The following SEC63 variants were observed in gnomAD, a reference collection of about 807,000 sequenced individuals.
SEC63 encodes translocation protein SEC63 homolog.
SEC63 carries 56 observed loss-of-function variants against 116.2 expected under a neutral mutation model. The ratio of observed to expected loss-of-function variants is 0.48; its 90% confidence interval spans 0.39 to 0.60. The LOEUF is 0.60. SEC63 is among the 20% of genes least tolerant of loss of function. The pLI is 0.00. For synonymous variants in SEC63, 273 were observed against 294.6 expected (o/e 0.93, Z 0.75); for missense variants, 668 against 900.0 (o/e 0.74, Z 3.30).
chr6:107,881,317 G>T, intron 17 of SEC63, 67 bp from the exon 18 acceptor site: 1 of 1,114,230 alleles, frequency 9.0e-7, no homozygotes, highest in Non-Finnish European at 1.3e-6. Flanking sequence ...GGATTTCCAG[G>T]TATTATTCCT....
chr6:107,916,630 C>T (rs1375939287), intron 4 of SEC63, among the ~76,000 whole-genome samples: 1 of 152,204 alleles, frequency 6.6e-6, no homozygotes, highest in Non-Finnish European at 1.5e-5. Flanking sequence ...TGCCATTTTT[C>T]CAACAGCATG....
At chr6:107,914,473 G>A (rs193091544) in intron 4 of SEC63, among the ~76,000 whole-genome samples, 75 of 152,214 alleles carry the variant, frequency 4.9e-4, no homozygotes, top group African/African-American at 1.6e-3. Flanking sequence ...ATTAGTTTTC[G>A]ATGACTTGAA....
At chr6:107,921,346 C>T (rs1276907199) in intron 4 of SEC63, among the ~76,000 whole-genome samples, 1 of 152,090 alleles carries the variant, frequency 6.6e-6, no homozygotes, top group Non-Finnish European at 1.5e-5. Context: ...TAAATTACCA[C>T]GTTAGTGCTG....
At chr6:107,938,162 T>C (rs1451821153) in intron 1 of SEC63, among the ~76,000 whole-genome samples, 1 of 152,100 alleles carries the variant, frequency 6.6e-6, no homozygotes, top group African/African-American at 2.4e-5. Flanking sequence ...TCATCATCCA[T>C]TTACAAAAAT....
rs577676330 is a variant in SEC63, at chr6:107,889,531, A to G, written c.1674+3951T>C. Among the ~76,000 whole-genome samples the G allele has an allele frequency of 2.6e-5, 4 of 152,214 alleles. 1 individual carries two copies. In the South Asian group the frequency reaches 8.3e-4, roughly 32 times the overall value. ...TGATCTATTTTGTTATCTTTTCAAAAAACTAGCTCCTTGGATTCATTGATT... is the reference window on the plus strand; with the variant it reads ...TGATCTATTTTGTTATCTTTTCAAAGAACTAGCTCCTTGGATTCATTGATT... On this transcript the variant is annotated intron_variant, in intron 16 of 20. Coordinates refer to ENST00000369002, the MANE Select transcript of SEC63 (RefSeq NM_007214.5).
chr6:107,909,501 T>A (rs1297428905), intron 7 of SEC63, among the ~76,000 whole-genome samples: 1 of 152,162 alleles, frequency 6.6e-6, no homozygotes, highest in Non-Finnish European at 1.5e-5. Context: ...AACAAGGACC[T>A]CTTTCTTGCA....
chr6:107,877,015 T>C, intron 18 of SEC63: 1 of 233,912 alleles, frequency 4.3e-6, no homozygotes, highest in Admixed American at 5.1e-5. Flanking sequence ...TACTCTTACC[T>C]AGTAATAAGC....
chr6:107,905,716 A>G (rs1343651188), intron 10 of SEC63, among the ~76,000 whole-genome samples: 1 of 152,124 alleles, frequency 6.6e-6, no homozygotes, highest in African/African-American at 2.4e-5. Flanking sequence ...TGTGAAATCC[A>G]TTTTGCTCCC....
intron 7 of SEC63, 51 bp downstream of exon 7, chr6:107,911,295 A>C: frequency 8.2e-7 from 1 of 1,225,812 alleles, no homozygotes; most frequent in South Asian, 1.2e-5. Flanking sequence ...ACTCCAAAAC[A>C]TGTCAATCTC....
chr6:107,918,012 G>A (rs1787451860), intron 4 of SEC63, among the ~76,000 whole-genome samples: 1 of 152,200 alleles, frequency 6.6e-6, no homozygotes, highest in Non-Finnish European at 1.5e-5. Context: ...AGAAATAAAT[G>A]CCTGACTTCA....
rs780300285 is a variant in SEC63 at position 107,868,558 on chromosome 6, G to A, written c.*3146C>T. 2.0e-5 allele frequency: 3 copies of A among 152,098 alleles called. No homozygotes were observed. Among genetic ancestry groups the A allele is most frequent in the Non-Finnish European group, 2.9e-5 (2 of 68,080 alleles). 9.4% of individuals were successfully genotyped at this position (152,098 alleles called of 1,614,324 possible). A position where few individuals can be genotyped will look rare whatever the true frequency, so the allele number is the denominator to read the frequency against. ...CGTGCCACTGCACTCCTCCAGCCTGGAGGACAGAGCGAGACTCCGTCTTAA... is the reference window on the plus strand; with the variant it reads ...CGTGCCACTGCACTCCTCCAGCCTGAAGGACAGAGCGAGACTCCGTCTTAA... On this transcript the variant is annotated 3_prime_UTR_variant, in exon 21 of 21. Coordinates refer to ENST00000369002, the MANE Select transcript of SEC63 (RefSeq NM_007214.5).
At chr6:107,920,966 T>C (rs183604876) in intron 4 of SEC63, among the ~76,000 whole-genome samples, 1 of 152,300 alleles carries the variant, frequency 6.6e-6, no homozygotes, top group East Asian at 1.9e-4. Flanking sequence ...TATTTGGAAG[T>C]TCTGAAAAGA....
At chr6:107,882,477 CT>C (rs1166184838) in intron 17 of SEC63, among the ~76,000 whole-genome samples, 3 of 152,136 alleles carry the variant, frequency 2.0e-5, no homozygotes, top group East Asian at 3.8e-4. Flanking sequence ...AAGACTTCCC[CT>C]GTCCTTAATA....
intron 16 of SEC63, among the ~76,000 whole-genome samples, chr6:107,891,152 A>C (rs925480213): frequency 6.6e-6 from 1 of 152,140 alleles, no homozygotes; most frequent in Non-Finnish European, 1.5e-5. Context: ...TAATGTCCTG[A>C]AGAGTATTTT....
At chr6:107,951,972 CAAAAAAA>C (rs796395901) in intron 1 of SEC63, among the ~76,000 whole-genome samples, 16 of 100,954 alleles carry the variant, frequency 1.6e-4, no homozygotes, top group African/African-American at 4.7e-4. Context: ...GACTCCATCT[CAAAAAAA>C]AAAAAAAAAA....
intron 1 of SEC63, among the ~76,000 whole-genome samples, chr6:107,934,410 G>A (rs1244082575): frequency 3.4e-5 from 5 of 149,106 alleles, no homozygotes; most frequent in South Asian, 4.3e-4. Flanking sequence ...TCTGTGCCCC[G>A]CGGCCCCGTC....
rs546056564 is a variant in SEC63, at chr6:107,908,041, G to A, written c.733+886C>T. The stretch of plus-strand genomic sequence containing the variant: ...GTAATATTTTCGATAAGGCAAAGTA[G>A]TATTAACTCATTCAGAAATGTAAAA... On this transcript the variant is annotated intron_variant, in intron 8 of 20. Transcript: ENST00000369002. Among the ~76,000 whole-genome samples the A allele has an allele frequency of 5.9e-5, 9 of 152,304 alleles. No homozygotes were observed. In the South Asian group the frequency reaches 1.9e-3, roughly 32 times the overall value.
chr6:107,896,895 C>T (rs1193125151), intron 14 of SEC63, among the ~76,000 whole-genome samples: 1 of 151,760 alleles, frequency 6.6e-6, no homozygotes, highest in South Asian at 2.1e-4. Context: ...AGGAGAATCA[C>T]TTGAACCCAG....
intron 2 of SEC63, among the ~76,000 whole-genome samples, 184 bp downstream of exon 2, chr6:107,929,231 C>T (rs1315613898): frequency 6.6e-6 from 1 of 152,212 alleles, no homozygotes; most frequent in African/African-American, 2.4e-5. Flanking sequence ...AGTATACTCC[C>T]CTTCCTTTGA....
Sources: allele counts gnomAD v4.1 joint callset (sites outside exome capture counted in the v4.1 genomes callset), GRCh38; gene constraint gnomAD v4.1.1; transcripts MANE v1.5; gene names NCBI Gene and HGNC (gene_info 2026-07-23, HGNC 2026-07-21).